TNIK: variants seen among roughly 807,000 people sequenced by gnomAD.
The protein encoded by TNIK is TRAF2 and NCK interacting kinase, also known as TRAF2 and NCK-interacting protein kinase.
A neutral mutation model predicts 191.3 loss-of-function variants in TNIK; 49 were observed. That is an observed-to-expected ratio of 0.26 (90% CI 0.20 to 0.32). The LOEUF (loss-of-function observed/expected upper bound fraction) is 0.32, where lower values mean the gene tolerates loss of function less well. Among genes scored for constraint, TNIK ranks in the 10% least tolerant of loss-of-function variants. The pLI is 1.00. For synonymous variants in TNIK, 594 were observed against 600.9 expected (o/e 0.99, Z 0.17); for missense variants, 1,155 against 1,702.3 (o/e 0.68, Z 5.66).
Position 171,061,831 on chromosome 3 carries a change from T to C in TNIK, c.*2050A>G, listed in dbSNP as rs545535394. ...CATGGAATTTGAGAAGATAGTATTG[T>C]TCAGCAGCACAACCACAGCAGTAAA... On this transcript the variant is annotated 3_prime_UTR_variant, in exon 33 of 33. Transcript: ENST00000436636. 1 of 152,318 alleles carries C rather than the reference T, an allele frequency of 6.6e-6. No individual in the cohort carries two copies. Among genetic ancestry groups the C allele is most frequent in the East Asian group, 1.9e-4 (1 of 5,186 alleles). The allele number at this position is 152,318 out of a possible 1,614,324, so 9.4% of individuals were successfully genotyped here.
intron 18 of TNIK, among the ~76,000 whole-genome samples, chr3:171,114,353 C>T (rs552722613): frequency 3.9e-5 from 6 of 152,332 alleles, no homozygotes; most frequent in Admixed American, 3.9e-4. Flanking sequence ...AAGTATGTAT[C>T]AGGCACTCTG....
At chr3:171,143,368 GAC>G (rs1731114269) in intron 12 of TNIK, among the ~76,000 whole-genome samples, 1 of 152,194 alleles carries the variant, frequency 6.6e-6, no homozygotes, top group East Asian at 1.9e-4. Flanking sequence ...GCCTCAGGCA[GAC>G]ACCTTTACAA....
At chr3:171,221,643 C>A (rs1474968257) in intron 3 of TNIK, among the ~76,000 whole-genome samples, 1 of 152,104 alleles carries the variant, frequency 6.6e-6, no homozygotes, top group Non-Finnish European at 1.5e-5. Flanking sequence ...TAGCACAGTG[C>A]ACTCATTCAT....
At chr3:171,193,959 C>A (rs190163181) in intron 5 of TNIK, among the ~76,000 whole-genome samples, 31 of 152,216 alleles carry the variant, frequency 2.0e-4, no homozygotes, top group African/African-American at 7.0e-4. Context: ...AACAGGCAGT[C>A]TTGTTCAGCT....
rs1560109621 is a variant in TNIK, at chr3:171,101,564, C to T, written c.2476G>A (p.Val826Met). The change falls in exon 22 of 33, where the codon GTG becomes ATG. Residue 826 changes from valine to methionine, a missense_variant. Val to Met is a conservative substitution (Grantham distance 21, BLOSUM62 1). This residue lies in a region of TNIK where 735 missense variants were observed against 848.0 expected (regional missense o/e 0.87). Coordinates refer to ENST00000436636, the MANE Select transcript of TNIK (RefSeq NM_015028.4). Reference protein sequence around the residue: ...IEETNRPMKKVTDYSSSSEES... With the variant: ...IEETNRPMKKMTDYSSSSEES... ...TCACTGGAGGAGGAGTAATCAGTCA[C>T]CTTCTTCATTGGGCGGTTTGTTTCT... 2 of 1,613,388 alleles carry T rather than the reference C, an allele frequency of 1.2e-6. No homozygotes were observed. The highest frequency in any genetic ancestry group is 1.3e-5 in the African/African-American group (1 of 74,868).
intron 2 of TNIK, among the ~76,000 whole-genome samples, chr3:171,309,258 G>A (rs1873792): frequency 0.47 from 70,884 of 151,910 alleles, 17,183 homozygotes; most frequent in Non-Finnish European, 0.51. Flanking sequence ...CAGCAACATG[G>A]ATGGAGCTGG....
At chr3:171,168,026 G>A (rs561825489) in intron 9 of TNIK, among the ~76,000 whole-genome samples, 40 of 152,258 alleles carry the variant, frequency 2.6e-4, no homozygotes, top group African/African-American at 9.4e-4. Context: ...CTCTAGAAAG[G>A]CAATATTTCC....
At chr3:171,451,946 T>C (rs1357314487) in intron 1 of TNIK, among the ~76,000 whole-genome samples, 2 of 152,242 alleles carry the variant, frequency 1.3e-5, no homozygotes, top group South Asian at 2.1e-4. Flanking sequence ...CACCTTCTAA[T>C]ACACTAATCA....
In TNIK at chr3:171,185,978, T is replaced by C. The variant is rs937052875; in HGVS notation, c.639+2724A>G. On this transcript the variant is annotated intron_variant, in intron 7 of 32. Coordinates refer to ENST00000436636, the MANE Select transcript of TNIK (RefSeq NM_015028.4). ...GCCCAAAGTGTTGACATCAAGCTTC[T>C]GGGGCTGGGATACACCACTGGGCCA... 2.6e-5 allele frequency among the ~76,000 whole-genome samples: 4 copies of C among 152,148 alleles called. No homozygotes were observed. The East Asian group carries it at 5.8e-4, about 22-fold the overall frequency.
chr3:171,384,762 T>C (rs1205324948), intron 1 of TNIK, among the ~76,000 whole-genome samples: 1 of 152,132 alleles, frequency 6.6e-6, no homozygotes, highest in Non-Finnish European at 1.5e-5. Context: ...ACATGAAATA[T>C]AAATGAAGAG....
chr3:171,380,629 T>G (rs1485617331), intron 1 of TNIK, among the ~76,000 whole-genome samples: 2 of 152,240 alleles, frequency 1.3e-5, no homozygotes, highest in Non-Finnish European at 2.9e-5. Flanking sequence ...CTAAGTCTAA[T>G]AGGAGTATGA....
Position 171,457,358 on chromosome 3 carries a change from G to A in TNIK, c.57+2649C>T, listed in dbSNP as rs187392453. 1.1e-4 allele frequency among the ~76,000 whole-genome samples: 16 copies of A among 152,298 alleles called. No homozygotes were observed. The East Asian group carries it at 2.9e-3, about 28-fold the overall frequency. On this transcript the variant is annotated intron_variant, in intron 1 of 32. Transcript: ENST00000436636. ...TCTCTAGACAGGATCTGCTTTTAAT[G>A]CTTTGAGCCCAGGGTTTACAAAAAG...
At chr3:171,393,443 A>C (rs192455181) in intron 1 of TNIK, among the ~76,000 whole-genome samples, 52 of 152,342 alleles carry the variant, frequency 3.4e-4, no homozygotes, top group African/African-American at 1.2e-3. Flanking sequence ...GCAGATCTCT[A>C]AATTATCCCT....
At position 171,059,113 on chromosome 3, in the gene TNIK, G is replaced by GA. The variant is rs1166669782; in HGVS notation, c.*4767dup. Among the ~76,000 whole-genome samples, 1 of 152,202 alleles carries GA rather than the reference G, an allele frequency of 6.6e-6. No homozygotes were observed. Among genetic ancestry groups the GA allele is most frequent in the African/African-American group, 2.4e-5 (1 of 41,452 alleles). On this transcript the variant is annotated 3_prime_UTR_variant, in exon 33 of 33. Coordinates refer to ENST00000436636, the MANE Select transcript of TNIK (RefSeq NM_015028.4). ...CAATAGTGCAATGCAACTTGGTGCT[G>GA]ATAAAAATAAACCATTAAAACCAAA...
intron 1 of TNIK, among the ~76,000 whole-genome samples, chr3:171,449,132 T>C (rs1323625587): frequency 1.3e-5 from 2 of 152,052 alleles, no homozygotes; most frequent in African/African-American, 4.8e-5. Context: ...TGTGCCACAT[T>C]TTCTTTATCC....
At chr3:171,459,702 A>ACACG (rs1440964824) in intron 1 of TNIK, among the ~76,000 whole-genome samples, 15 of 150,412 alleles carry the variant, frequency 1.0e-4, no homozygotes, top group African/African-American at 3.0e-4. Flanking sequence ...ACACACACAC[A>ACACG]CGCACACACG....
intron 28 of TNIK, among the ~76,000 whole-genome samples, chr3:171,072,290 A>G (rs996353071): frequency 4.6e-5 from 7 of 152,148 alleles, no homozygotes; most frequent in Admixed American, 1.3e-4. Flanking sequence ...GAAAAATTTT[A>G]ATATACTTAA....
At chr3:171,242,788 A>G (rs1435113380) in intron 2 of TNIK, among the ~76,000 whole-genome samples, 1 of 152,210 alleles carries the variant, frequency 6.6e-6, no homozygotes, top group African/African-American at 2.4e-5. Context: ...ATGAGCATTC[A>G]ACGGTTCATG....
At chr3:171,267,103 T>C (rs1748493121) in intron 2 of TNIK, among the ~76,000 whole-genome samples, 2 of 152,220 alleles carry the variant, frequency 1.3e-5, no homozygotes, top group South Asian at 2.1e-4. Flanking sequence ...AAAGGATTCA[T>C]TTAAAAATTA....
Sources: gnomAD v4.1 joint callset for allele counts (sites outside exome capture counted in the v4.1 genomes callset) on GRCh38, gnomAD v4.1.1 for gene constraint, gnomAD v4.1.1 regional missense constraint, MANE v1.5 for transcripts, NCBI Gene and HGNC (gene_info 2026-07-23, HGNC 2026-07-21) for gene names.